Variants in KANK4 observed in about 807,000 individuals in gnomAD.
KANK4 encodes KN motif and ankyrin repeat domain-containing protein 4.
Under a neutral mutation model 80.8 loss-of-function variants are expected in KANK4, and 50 were observed. That is an observed-to-expected ratio of 0.62 (90% CI 0.49 to 0.78). The LOEUF is 0.78. Among genes scored for constraint, KANK4 ranks in the 30% least tolerant of loss-of-function variants. The pLI, the probability that KANK4 is intolerant of heterozygous loss-of-function variation, is 0.00. For missense variants in KANK4, 1,196 were observed against 1,240.1 expected (o/e 0.96, Z 0.53); for synonymous variants, 465 against 506.9 (o/e 0.92, Z 1.11).
chr1:62,280,063 G>A (rs781736355), intron 2 of KANK4, among the ~76,000 whole-genome samples: 3 of 152,148 alleles, frequency 2.0e-5, no homozygotes, highest in African/African-American at 4.8e-5. Context: ...GCAGGTGAGC[G>A]AACCAACCAG....
intron 9 of KANK4, among the ~76,000 whole-genome samples, chr1:62,243,648 T>C (rs543685979): frequency 3.9e-5 from 6 of 152,288 alleles, no homozygotes; most frequent in African/African-American, 1.4e-4. Context: ...TGGATAATTG[T>C]TAATTCTTTG....
intron 1 of KANK4, among the ~76,000 whole-genome samples, chr1:62,284,028 C>T (rs1041945581): frequency 1.3e-5 from 2 of 152,046 alleles, no homozygotes; most frequent in African/African-American, 2.4e-5. Context: ...AGGGGTTTCT[C>T]GGCAACTTTT....
intron 2 of KANK4, among the ~76,000 whole-genome samples, chr1:62,279,198 G>GCACACGCA (rs1553130951): frequency 4.8e-5 from 7 of 146,290 alleles, no homozygotes; most frequent in Admixed American, 3.4e-4. Context: ...GCTAGCGCGC[G>GCACACGCA]CACACACACA....
chr1:62,239,611 C>T (rs1244267329), intron 9 of KANK4, among the ~76,000 whole-genome samples: 1 of 152,036 alleles, frequency 6.6e-6, no homozygotes, highest in Non-Finnish European at 1.5e-5. Context: ...GTGTGCTGCA[C>T]CCATTAACTC....
intron 1 of KANK4, among the ~76,000 whole-genome samples, chr1:62,299,407 G>A (rs1366344833): frequency 6.6e-6 from 1 of 152,072 alleles, no homozygotes; most frequent in Non-Finnish European, 1.5e-5. Context: ...TTCTGTCTGT[G>A]CCCACCTGAG....
At chr1:62,272,284 T>A (rs1464975531) in intron 3 of KANK4, 1 of 152,416 alleles carries the variant, frequency 6.6e-6, no homozygotes, top group African/African-American at 2.4e-5. Context: ...CCCATTTCCA[T>A]ATGTGAGCAG....
intron 2 of KANK4, among the ~76,000 whole-genome samples, chr1:62,279,149 T>A (rs560726686): frequency 6.6e-6 from 1 of 151,376 alleles, no homozygotes; most frequent in Non-Finnish European, 1.5e-5. Context: ...CTACCAAGGA[T>A]GACAGGTTTA....
intron 4 of KANK4, 115 bp from the exon 5 acceptor site, chr1:62,268,620 C>T (rs1672087126): frequency 3.8e-6 from 3 of 797,868 alleles, no homozygotes; most frequent in Non-Finnish European, 6.3e-6. Context: ...AATCTCCTCC[C>T]CCACTCTCTA....
At chr1:62,309,249 A>G (rs1644479040) in intron 1 of KANK4, among the ~76,000 whole-genome samples, 1 of 152,200 alleles carries the variant, frequency 6.6e-6, no homozygotes, top group Non-Finnish European at 1.5e-5. Flanking sequence ...TAAGAGCACT[A>G]TCCCATTTGT....
At chr1:62,246,038 T>G (rs150127685) in intron 9 of KANK4, among the ~76,000 whole-genome samples, 98 of 152,222 alleles carry the variant, frequency 6.4e-4, no homozygotes, top group Non-Finnish European at 9.7e-4. Context: ...ACCTAACCAT[T>G]TGATGCCTCC....
At chr1:62,246,863 C>T (rs181246591) in intron 9 of KANK4, among the ~76,000 whole-genome samples, 17 of 151,988 alleles carry the variant, frequency 1.1e-4, no homozygotes, top group South Asian at 2.1e-4. Context: ...CACGTTCAAG[C>T]GGTTCTCCTG....
intron 7 of KANK4, among the ~76,000 whole-genome samples, chr1:62,258,888 G>A (rs1487170755): frequency 6.6e-6 from 1 of 152,204 alleles, no homozygotes; most frequent in Non-Finnish European, 1.5e-5. Flanking sequence ...GAAGGAGCCA[G>A]TCACAAGAAG....
chr1:62,267,451 A>G (rs1169184566), intron 5 of KANK4, among the ~76,000 whole-genome samples: 1 of 152,124 alleles, frequency 6.6e-6, no homozygotes, highest in African/African-American at 2.4e-5. Context: ...TCAGCCTCCC[A>G]AACTGCTGGG....
intron 8 of KANK4, among the ~76,000 whole-genome samples, chr1:62,250,766 T>C (rs1261360932): frequency 1.3e-5 from 2 of 152,214 alleles, no homozygotes; most frequent in African/African-American, 4.8e-5. Context: ...ATTAGCTGTA[T>C]TGAGTCTTAA....
At chr1:62,267,126 C>T (rs1672040989) in intron 5 of KANK4, among the ~76,000 whole-genome samples, 1 of 152,146 alleles carries the variant, frequency 6.6e-6, no homozygotes. Context: ...GACAGGCCCA[C>T]CTGCATTTCC....
At chr1:62,303,118 C>T (rs932374039) in intron 1 of KANK4, among the ~76,000 whole-genome samples, 15 of 151,960 alleles carry the variant, frequency 9.9e-5, no homozygotes, top group Non-Finnish European at 2.9e-5. Context: ...TGGGAACTTA[C>T]GAAGTGTAGA....
rs1375095061 is a variant in KANK4, at chr1:62,319,346, G to C, written c.-311C>G. On this transcript the variant is annotated 5_prime_UTR_variant, in exon 1 of 10. The change creates a new upstream start codon in the 5' untranslated region. Transcript: ENST00000371153. ...CCCTGCGGGCACACCCACCGCGGCG[G>C]ATGCGGGACTGGCCAGGCGCCGCCA... is the stretch of plus-strand genomic sequence containing the variant. 1 of 151,964 alleles carries C rather than the reference G, an allele frequency of 6.6e-6. No homozygotes were observed. The highest frequency in any genetic ancestry group is 1.5e-5 in the Non-Finnish European group (1 of 68,000). The allele number at this position is 151,964 out of a possible 1,614,324, so 9.4% of individuals were successfully genotyped here.
chr1:62,286,637 C>T (rs1052510490), intron 1 of KANK4, among the ~76,000 whole-genome samples: 1 of 152,178 alleles, frequency 6.6e-6, no homozygotes, highest in African/African-American at 2.4e-5. Flanking sequence ...TTCCTCCCTG[C>T]AGCTGATGTG....
intron 1 of KANK4, among the ~76,000 whole-genome samples, chr1:62,299,658 G>C (rs910604315): frequency 1.3e-5 from 2 of 152,174 alleles, no homozygotes; most frequent in African/African-American, 4.8e-5. Context: ...CTTTACTTCT[G>C]TTTCCCAAGT....
Sources: allele counts gnomAD v4.1 joint callset (sites outside exome capture counted in the v4.1 genomes callset), GRCh38; gene constraint gnomAD v4.1.1; transcripts MANE v1.5; gene names NCBI Gene and HGNC (gene_info 2026-07-23, HGNC 2026-07-21).